ATXN1: variants seen among roughly 807,000 people sequenced by gnomAD.
ATXN1 encodes the protein ataxin-1.
Under a neutral mutation model 56.4 loss-of-function variants are expected in ATXN1, and 8 were observed. The observed-to-expected ratio is 0.14, with a 90% CI of 0.08 to 0.26. The LOEUF (loss-of-function observed/expected upper bound fraction) is 0.26. Among genes scored for constraint, ATXN1 ranks in the 10% least tolerant of loss-of-function variants. ATXN1 has a pLI of 1.00. For synonymous variants in ATXN1, 514 were observed against 494.6 expected, an observed-to-expected ratio of 1.04 and a Z score of -0.52; for missense variants, 987 against 1,106.5, an observed-to-expected ratio of 0.89 and a Z score of 1.53.
chr6:16,417,441 A>ATTTTTTTTTTTTTTTTT (rs1188606545), intron 6 of ATXN1, among the ~76,000 whole-genome samples: 22 of 136,510 alleles, frequency 1.6e-4, no homozygotes, highest in South Asian at 2.7e-4. Context: ...CAAGTTTCTT[A>ATTTTTTTTTTTTTTTTT]TTTTTTTTTT....
At chr6:16,641,172 T>C (rs2113820904) in intron 3 of ATXN1, among the ~76,000 whole-genome samples, 1 of 152,308 alleles carries the variant, frequency 6.6e-6, no homozygotes, top group Non-Finnish European at 1.5e-5. Context: ...AAAGAAATCT[T>C]CTCCAAATGC....
At chr6:16,569,293 C>T (rs963486144) in intron 4 of ATXN1, among the ~76,000 whole-genome samples, 4 of 151,966 alleles carry the variant, frequency 2.6e-5, no homozygotes, top group Non-Finnish European at 4.4e-5. Flanking sequence ...CCAAGGTGGG[C>T]GGATCACCTG....
At chr6:16,468,200 T>C (rs780382019) in intron 6 of ATXN1, among the ~76,000 whole-genome samples, 33 of 152,234 alleles carry the variant, frequency 2.2e-4, no homozygotes, top group Admixed American at 3.3e-4. Flanking sequence ...TTTTATTTTA[T>C]TTTGAGACGG....
At chr6:16,423,182 G>T (rs368267692) in intron 6 of ATXN1, among the ~76,000 whole-genome samples, 1 of 152,172 alleles carries the variant, frequency 6.6e-6, no homozygotes, top group Admixed American at 6.5e-5. Context: ...TGATCTCAAC[G>T]ACCCTGAAAT....
intron 6 of ATXN1, among the ~76,000 whole-genome samples, chr6:16,472,484 T>C (rs1299548896): frequency 1.3e-5 from 2 of 152,198 alleles, no homozygotes; most frequent in Non-Finnish European, 2.9e-5. Context: ...GTTTATGCAA[T>C]GATCTGCTAT....
chr6:16,630,267 T>A (rs908644488), intron 3 of ATXN1, among the ~76,000 whole-genome samples: 9 of 152,218 alleles, frequency 5.9e-5, no homozygotes, highest in Non-Finnish European at 1.2e-4. Flanking sequence ...AAAACCTGTA[T>A]CTGCCCTCAA....
chr6:16,500,842 T>C (rs1309057390), intron 5 of ATXN1, among the ~76,000 whole-genome samples: 1 of 151,334 alleles, frequency 6.6e-6, no homozygotes, highest in African/African-American at 2.4e-5. Context: ...CAGTAGTGAG[T>C]GACAAGACTG....
At chr6:16,616,189 T>G (rs1763205727) in intron 3 of ATXN1, 1 of 152,158 alleles carries the variant, frequency 6.6e-6, no homozygotes, top group Non-Finnish European at 1.5e-5. Flanking sequence ...GAAATGTTAT[T>G]GTCTACTTAG....
rs544551844 is a variant in ATXN1, at chr6:16,410,776, C to T, written c.-161+75196G>A. On this transcript the variant is annotated intron_variant, in intron 6 of 7. Coordinates refer to ENST00000436367, the MANE Select transcript of ATXN1 (RefSeq NM_001128164.2). The surrounding 1 kb of genome is among the most constrained non-coding windows in gnomAD (Gnocchi z 4.6). Reference sequence around the variant, plus strand: ...GCAAAGTGAATTTGAAGTTAAGTCTCCTCTTAGTGTAGCAGTACGTATTTT... The same window carrying T: ...GCAAAGTGAATTTGAAGTTAAGTCTTCTCTTAGTGTAGCAGTACGTATTTT... Among the ~76,000 whole-genome samples, 35 of 152,248 alleles carry T rather than the reference C, an allele frequency of 2.3e-4. No individual in the cohort carries two copies.
At chr6:16,723,377 AC>A (rs1175652306) in intron 2 of ATXN1, among the ~76,000 whole-genome samples, 1 of 152,216 alleles carries the variant, frequency 6.6e-6, no homozygotes, top group Non-Finnish European at 1.5e-5. Context: ...GAGTTCAACT[AC>A]CCACAGTCAG....
At chr6:16,409,652 C>CAAA (rs542201666) in intron 6 of ATXN1, among the ~76,000 whole-genome samples, 7 of 106,080 alleles carry the variant, frequency 6.6e-5, no homozygotes, top group African/African-American at 1.0e-4. Flanking sequence ...GACTAGGTCT[C>CAAA]AAAAAAAAAA....
intron 4 of ATXN1, among the ~76,000 whole-genome samples, chr6:16,528,144 T>C (rs750156301): frequency 6.6e-6 from 1 of 151,684 alleles, no homozygotes; most frequent in Non-Finnish European, 1.5e-5. Flanking sequence ...CTACTAAAAA[T>C]ACAAAAATTA....
chr6:16,502,412 A>G (rs955103437), intron 5 of ATXN1, among the ~76,000 whole-genome samples: 3 of 152,216 alleles, frequency 2.0e-5, no homozygotes, highest in African/African-American at 7.2e-5. Flanking sequence ...CAAGACATTT[A>G]AGAGAAAATG....
At chr6:16,525,172 T>A (rs1761366810) in intron 4 of ATXN1, among the ~76,000 whole-genome samples, 1 of 152,220 alleles carries the variant, frequency 6.6e-6, no homozygotes, top group African/African-American at 2.4e-5. Context: ...CGACTGGGTA[T>A]ATACTCAAAA....
intron 4 of ATXN1, among the ~76,000 whole-genome samples, chr6:16,552,018 T>C (rs1761928238): frequency 6.6e-6 from 1 of 152,172 alleles, no homozygotes; most frequent in African/African-American, 2.4e-5. Context: ...TGTGTGCGTA[T>C]AGGATGGTGG....
At chr6:16,588,424 T>C (rs1156920983) in intron 3 of ATXN1, among the ~76,000 whole-genome samples, 1 of 152,190 alleles carries the variant, frequency 6.6e-6, no homozygotes, top group African/African-American at 2.4e-5. Flanking sequence ...GCACATGACT[T>C]CCTCCTTGCT....
intron 3 of ATXN1, among the ~76,000 whole-genome samples, chr6:16,605,259 T>C (rs980610577): frequency 6.6e-6 from 1 of 152,212 alleles, no homozygotes; most frequent in Admixed American, 6.5e-5. Context: ...GCTCCCTATT[T>C]TGTGATGCGT....
chr6:16,537,731 GA>G lies in ATXN1; in HGVS notation c.-360-15044del, dbSNP rs537414371. On this transcript the variant is annotated intron_variant, in intron 4 of 7. Transcript: ENST00000436367. ...CAAAAAAAAGAAAAAAAGAAAAAAAGAAAAAAAAAAAGAAATGATGTTCTAA... is the reference window on the plus strand; with the variant it reads ...CAAAAAAAAGAAAAAAAGAAAAAAAGAAAAAAAAAAGAAATGATGTTCTAA... Among the ~76,000 whole-genome samples the G allele has an allele frequency of 9.2e-3, 1,277 of 139,242 alleles. 24 individuals are homozygous for G. The highest frequency in any genetic ancestry group is 0.03 in the African/African-American group (1,157 of 38,058). The allele number at this position is 139,242 out of a possible 152,430, so 91.3% of individuals were successfully genotyped here.
rs148858676 is a variant in ATXN1 at position 16,700,871 on chromosome 6, A to C, written c.-614-42970T>G. On this transcript the variant is annotated intron_variant, in intron 2 of 7. Transcript: ENST00000436367. ...TCTAAGTGGAAAACAGATCTTAAGA[A>C]GAAAAAGAAACCAGCTAAAAACCCA... Among the ~76,000 whole-genome samples the C allele has an allele frequency of 4.2e-3, 637 of 152,320 alleles. 5 individuals are homozygous for C. Among genetic ancestry groups the C allele is most frequent in the African/African-American group, 0.015 (617 of 41,580 alleles).
Sources: allele counts gnomAD v4.1 joint callset (sites outside exome capture counted in the v4.1 genomes callset), GRCh38; gene constraint gnomAD v4.1.1; non-coding constraint Gnocchi (gnomAD v3.1); transcripts MANE v1.5; gene names NCBI Gene and HGNC (gene_info 2026-07-23, HGNC 2026-07-21).